Variants in PDCL2 observed in about 807,000 individuals in gnomAD.
The protein encoded by PDCL2 is phosducin-like protein 2.
In PDCL2, 23 loss-of-function variants were observed where a neutral mutation model predicts 30.3. The ratio of observed to expected loss-of-function variants is 0.76; its 90% CI spans 0.55 to 1.08. PDCL2 has a LOEUF of 1.08. Ranked by LOEUF, PDCL2 falls within the 50% of genes least tolerant of loss-of-function variation. PDCL2 has a pLI of 0.00. For missense variants in PDCL2, 243 were observed against 282.3 expected, an observed-to-expected ratio of 0.86 and a Z score of 1.00; for synonymous variants, 68 against 86.2, an observed-to-expected ratio of 0.79 and a Z score of 1.17.
At chr4:55,563,795 G>A (rs924376150) in intron 4 of PDCL2, among the ~76,000 whole-genome samples, 2 of 152,190 alleles carry the variant, frequency 1.3e-5, no homozygotes, top group East Asian at 1.9e-4. Context: ...ACAGGCTATG[G>A]GAGGCAGAGA....
chr4:55,566,973 C>T (rs1443608357), intron 4 of PDCL2, among the ~76,000 whole-genome samples: 1 of 152,108 alleles, frequency 6.6e-6, no homozygotes, highest in Non-Finnish European at 1.5e-5. Flanking sequence ...GATAATTTTA[C>T]TTAGAAGCCA....
In PDCL2 at chr4:55,556,688, C is replaced by T. The variant is rs1248074766; in HGVS notation, c.595G>A (p.Val199Ile). The T allele has an allele frequency of 6.4e-7, 1 of 1,554,780 alleles. No homozygotes were observed. The highest frequency in any genetic ancestry group is 1.4e-5 in the African/African-American group (1 of 73,672). The change falls in exon 6 of 6, where the codon GTT becomes ATT. Residue 199 changes from valine to isoleucine, a missense_variant. Val to Ile is a conservative substitution (Grantham distance 29, BLOSUM62 3). Coordinates refer to ENST00000295645, the MANE Select transcript of PDCL2 (RefSeq NM_152401.3). Reference protein sequence around the residue: ...LEELEWKLAEVGAIQTDLEEN... With the variant: ...LEELEWKLAEIGAIQTDLEEN... ...TCCAAATCAGTCTGTATTGCTCCAA[C>T]TTCTGCTAGCTTCCATTCAAGTTCT...
intron 2 of PDCL2, among the ~76,000 whole-genome samples, 199 bp from the exon 3 acceptor site, chr4:55,581,110 C>T (rs1301075688): frequency 6.6e-6 from 1 of 152,112 alleles, no homozygotes. Flanking sequence ...ACCTGGCCAA[C>T]ATGGTGAAAC....
chr4:55,587,410 C>A (rs1732891934), intron 1 of PDCL2, among the ~76,000 whole-genome samples: 1 of 151,876 alleles, frequency 6.6e-6, no homozygotes, highest in African/African-American at 2.4e-5. Flanking sequence ...ATAGCAAAAT[C>A]TTTTGCCCAT....
intron 4 of PDCL2, among the ~76,000 whole-genome samples, chr4:55,565,666 C>A (rs903485307): frequency 1.3e-5 from 2 of 152,144 alleles, no homozygotes; most frequent in Non-Finnish European, 2.9e-5. Context: ...CAAACCATAT[C>A]AAGGATCATT....
chr4:55,573,289 T>C (rs966285286), intron 3 of PDCL2, among the ~76,000 whole-genome samples: 2 of 152,216 alleles, frequency 1.3e-5, no homozygotes, highest in Non-Finnish European at 2.9e-5. Context: ...TGTGTATAAA[T>C]TTTTTTCATC....
chr4:55,580,915 AAAC>A lies in PDCL2; in HGVS notation c.128-7_128-5del. 1 of 1,582,024 alleles carries A rather than the reference AAAC, an allele frequency of 6.3e-7. No homozygotes were observed. The highest frequency in any genetic ancestry group is 1.4e-5 in the African/African-American group (1 of 73,044). On this transcript the variant is annotated splice_region_variant and splice_polypyrimidine_tract_variant and intron_variant, in intron 2 of 5. Transcript: ENST00000295645. ...GTCATCTTTTCAAATGGTTTCACTAAAACAACATAAATTATAGATTATCAAATT... is the reference window on the plus strand; with the variant it reads ...GTCATCTTTTCAAATGGTTTCACTAAAACATAAATTATAGATTATCAAATT...
intron 4 of PDCL2, among the ~76,000 whole-genome samples, chr4:55,569,041 A>G (rs1732348128): frequency 1.3e-5 from 2 of 151,650 alleles, no homozygotes; most frequent in African/African-American, 2.4e-5. Flanking sequence ...AAGAATCTAT[A>G]TAAGCCCAAG....
intron 1 of PDCL2, among the ~76,000 whole-genome samples, chr4:55,587,564 AT>A (rs975373363): frequency 4.2e-4 from 61 of 145,702 alleles, no homozygotes; most frequent in Admixed American, 3.4e-4. Flanking sequence ...TTTTTTTTAA[AT>A]TTTTTTTTTT....
chr4:55,588,352 G>A (rs1732912665), intron 1 of PDCL2, among the ~76,000 whole-genome samples: 1 of 152,166 alleles, frequency 6.6e-6, no homozygotes. Flanking sequence ...TAAAAGTGCA[G>A]ACTCACTGAG....
chr4:55,556,788 G>T, intron 5 of PDCL2, 77 bp from the exon 6 acceptor site: 1 of 1,154,768 alleles, frequency 8.7e-7, no homozygotes, highest in South Asian at 1.9e-5. Context: ...AACAAGAGTT[G>T]ACTCTTAGTA....
chr4:55,590,570 T>A (rs1418123412), intron 1 of PDCL2, among the ~76,000 whole-genome samples: 3 of 151,342 alleles, frequency 2.0e-5, no homozygotes, highest in African/African-American at 7.3e-5. Context: ...CACTGCATCC[T>A]CCGCCTCCTG....
chr4:55,569,128 G>A (rs1420137554), intron 4 of PDCL2, among the ~76,000 whole-genome samples: 2 of 152,110 alleles, frequency 1.3e-5, no homozygotes, highest in African/African-American at 4.8e-5. Flanking sequence ...ATAGACTTCT[G>A]TTTGTTTTTC....
intron 3 of PDCL2, among the ~76,000 whole-genome samples, chr4:55,573,372 T>G (rs1471572574): frequency 6.6e-6 from 1 of 152,184 alleles, no homozygotes; most frequent in Non-Finnish European, 1.5e-5. Flanking sequence ...ATAACATTTG[T>G]CTCTCCTTTT....
chr4:55,572,027 T>C (rs753554363), intron 3 of PDCL2, among the ~76,000 whole-genome samples: 1 of 152,124 alleles, frequency 6.6e-6, no homozygotes, highest in Non-Finnish European at 1.5e-5. Context: ...CATGCTCTAA[T>C]GGTGCAACTA....
intron 1 of PDCL2, among the ~76,000 whole-genome samples, chr4:55,584,025 C>T (rs1387310417): frequency 6.6e-6 from 1 of 152,182 alleles, no homozygotes; most frequent in Non-Finnish European, 1.5e-5. Flanking sequence ...AATAATTTTT[C>T]CAATCCATGA....
intron 1 of PDCL2, among the ~76,000 whole-genome samples, chr4:55,584,797 G>C (rs143859382): frequency 2.5e-4 from 38 of 152,194 alleles, no homozygotes; most frequent in African/African-American, 8.4e-4. Context: ...AGTGAGAATG[G>C]GCATCCTTGT....
At chr4:55,564,002 A>G (rs542037527) in intron 4 of PDCL2, among the ~76,000 whole-genome samples, 13 of 152,228 alleles carry the variant, frequency 8.5e-5, no homozygotes, top group African/African-American at 3.1e-4. Flanking sequence ...TTTTCTCTAC[A>G]GTTGCAAATC....
intron 3 of PDCL2, among the ~76,000 whole-genome samples, chr4:55,576,414 C>T (rs1027885240): frequency 3.3e-5 from 5 of 152,094 alleles, no homozygotes; most frequent in African/African-American, 1.2e-4. Flanking sequence ...TCTAACTTCT[C>T]TTTTTTTCCT....
Sources: allele counts gnomAD v4.1 joint callset (sites outside exome capture counted in the v4.1 genomes callset), GRCh38; gene constraint gnomAD v4.1.1; transcripts MANE v1.5; gene names NCBI Gene and HGNC (gene_info 2026-07-23, HGNC 2026-07-21).